HIBADH: variants seen among roughly 807,000 people sequenced by gnomAD.
HIBADH encodes 3-hydroxyisobutyrate dehydrogenase, mitochondrial.
A neutral mutation model predicts 36.1 loss-of-function variants in HIBADH; 25 were observed. The ratio of observed to expected loss-of-function variants is 0.69; its 90% CI spans 0.50 to 0.97. HIBADH has a LOEUF of 0.97. Among genes scored for constraint, HIBADH ranks in the 50% least tolerant of loss-of-function variants. The probability of loss-of-function intolerance (pLI) is 0.00; values close to 1 mark genes in which losing one functional copy is unlikely to be tolerated. For synonymous variants in HIBADH, 160 were observed against 149.5 expected (o/e 1.07, Z -0.51); for missense variants, 421 against 418.0 (o/e 1.01, Z -0.06).
chr7:27,653,829 G>A (rs558915566), intron 1 of HIBADH, among the ~76,000 whole-genome samples: 2 of 152,044 alleles, frequency 1.3e-5, no homozygotes, highest in South Asian at 2.1e-4. Context: ...AAAGTTAAGA[G>A]GTGAAATTTG....
chr7:27,613,015 AATAT>A (rs933682816), intron 4 of HIBADH, among the ~76,000 whole-genome samples: 4 of 135,666 alleles, frequency 2.9e-5, no homozygotes, highest in South Asian at 2.1e-4. Context: ...TATATCCAAA[AATAT>A]ATATATTATA....
At chr7:27,601,499 A>G (rs1030760457) in intron 4 of HIBADH, among the ~76,000 whole-genome samples, 3 of 152,114 alleles carry the variant, frequency 2.0e-5, no homozygotes, top group Non-Finnish European at 4.4e-5. Context: ...AAAGCTTATC[A>G]GTGATTAATG....
rs1308312406 is a variant in HIBADH at position 27,595,790 on chromosome 7, TA to T, written c.484+33580del. Reference sequence around the variant, plus strand: ...ACTCAAGAAATAGCTGCTGAATGAATAAATCTAATAAAATTACGCATAAAGG... The same window carrying T: ...ACTCAAGAAATAGCTGCTGAATGAATAATCTAATAAAATTACGCATAAAGG... On this transcript the variant is annotated intron_variant, in intron 4 of 7. Coordinates refer to ENST00000265395, the MANE Select transcript of HIBADH (RefSeq NM_152740.4). Among the ~76,000 whole-genome samples, 3 of 152,254 alleles carry T rather than the reference TA, an allele frequency of 2.0e-5. No individual in the cohort carries two copies. In the East Asian group the frequency reaches 5.8e-4, roughly 29 times the overall value.
chr7:27,531,379 G>C (rs1385541934), intron 6 of HIBADH, 31 bp from the exon 7 acceptor site: 1 of 1,583,342 alleles, frequency 6.3e-7, no homozygotes. Context: ...GAAGTGTTAA[G>C]TGTCAAAATG....
intron 1 of HIBADH, among the ~76,000 whole-genome samples, chr7:27,657,372 AAAGG>A (rs1460681823): frequency 1.3e-5 from 2 of 152,270 alleles, no homozygotes; most frequent in African/African-American, 4.8e-5. Context: ...ACTTGGAGGA[AAAGG>A]GAGGGAGTCA....
intron 4 of HIBADH, among the ~76,000 whole-genome samples, chr7:27,549,409 T>C (rs555141201): frequency 8.5e-5 from 13 of 152,078 alleles, no homozygotes; most frequent in African/African-American, 2.7e-4. Flanking sequence ...AAAAATGAAA[T>C]CGAATTTTCA....
intron 2 of HIBADH, among the ~76,000 whole-genome samples, chr7:27,633,588 G>A (rs1419184622): frequency 1.3e-5 from 2 of 152,198 alleles, no homozygotes; most frequent in Non-Finnish European, 2.9e-5. Context: ...AAGTCCAGGC[G>A]TTGGAGGTTA....
At chr7:27,656,792 C>T (rs759268) in intron 1 of HIBADH, among the ~76,000 whole-genome samples, 31,219 of 152,006 alleles carry the variant, frequency 0.21, 4,096 homozygotes, top group East Asian at 0.5. Context: ...TTAATATATG[C>T]TATGTGAATG....
chr7:27,554,152 A>G (rs985658275), intron 4 of HIBADH, among the ~76,000 whole-genome samples: 2 of 152,084 alleles, frequency 1.3e-5, no homozygotes, highest in Admixed American at 1.3e-4. Context: ...CAGCTGGCTA[A>G]TTTTTGTATT....
chr7:27,549,754 A>T (rs1190331792), intron 4 of HIBADH, among the ~76,000 whole-genome samples: 3 of 152,182 alleles, frequency 2.0e-5, no homozygotes, highest in Admixed American at 6.5e-5. Flanking sequence ...TAAAACTTAC[A>T]TCACCTCATT....
intron 6 of HIBADH, among the ~76,000 whole-genome samples, chr7:27,535,523 A>AT (rs942254579): frequency 4.0e-5 from 6 of 151,812 alleles, no homozygotes; most frequent in African/African-American, 7.3e-5. Context: ...ACCACCAAAA[A>AT]TTTTTTTTTA....
intron 4 of HIBADH, among the ~76,000 whole-genome samples, chr7:27,615,100 T>G (rs920230849): frequency 6.6e-6 from 1 of 152,214 alleles, no homozygotes; most frequent in African/African-American, 2.4e-5. Flanking sequence ...CTGTTTTTAC[T>G]ACATGCCAGT....
intron 4 of HIBADH, among the ~76,000 whole-genome samples, chr7:27,589,654 T>C (rs1299522892): frequency 1.3e-5 from 2 of 152,218 alleles, no homozygotes; most frequent in Non-Finnish European, 2.9e-5. Context: ...TTCAAATGTA[T>C]GGTAGAAACT....
At chr7:27,562,751 C>G (rs1209129847) in intron 4 of HIBADH, among the ~76,000 whole-genome samples, 1 of 152,190 alleles carries the variant, frequency 6.6e-6, no homozygotes, top group Non-Finnish European at 1.5e-5. Flanking sequence ...AGCCACCACA[C>G]TCAGCCTTTG....
chr7:27,649,556 T>C lies in HIBADH; in HGVS notation c.169A>G (p.Asn57Asp). The C allele has an allele frequency of 6.2e-7, 1 of 1,614,004 alleles. No homozygotes were observed. The highest frequency in any genetic ancestry group is 8.5e-7 in the Non-Finnish European group (1 of 1,179,930). The change falls in exon 2 of 8, where the codon AAT (asparagine) becomes GAT (aspartate). Residue 57 changes from asparagine to aspartate, a missense_variant. Asn to Asp is a conservative substitution (Grantham distance 23). Coordinates refer to ENST00000265395, the MANE Select transcript of HIBADH (RefSeq NM_152740.4). Reference sequence around the variant, plus strand: ...AGTGGATAGCCATGTTTCATGAGATTTTTTGCCATTGGATTCCCCATGTTG... The same window carrying C: ...AGTGGATAGCCATGTTTCATGAGATCTTTTGCCATTGGATTCCCCATGTTG... ...LGNMGNPMAK[N>D]LMKHGYPLII... is the part of the protein sequence containing the mutation.
intron 4 of HIBADH, among the ~76,000 whole-genome samples, chr7:27,549,183 T>C (rs1784279395): frequency 6.6e-6 from 1 of 152,016 alleles, no homozygotes; most frequent in Admixed American, 6.6e-5. Context: ...TAAGGAGAAA[T>C]AAGTTCAAGA....
intron 4 of HIBADH, among the ~76,000 whole-genome samples, chr7:27,613,187 A>G (rs1353724979): frequency 4.3e-4 from 13 of 30,404 alleles, no homozygotes; most frequent in African/African-American, 6.1e-4. Context: ...ATATTTATAT[A>G]AATATATATA....
At chr7:27,576,632 C>CT (rs1185980713) in intron 4 of HIBADH, among the ~76,000 whole-genome samples, 31 of 152,270 alleles carry the variant, frequency 2.0e-4, no homozygotes, top group Non-Finnish European at 2.6e-4. Flanking sequence ...AAGGCAATTA[C>CT]TTTGAAGATG....
intron 1 of HIBADH, among the ~76,000 whole-genome samples, chr7:27,659,653 T>C (rs1420964169): frequency 6.6e-6 from 1 of 151,900 alleles, no homozygotes; most frequent in Non-Finnish European, 1.5e-5. Flanking sequence ...GCCCACGAGG[T>C]TGAGGCTGCA....
Sources: allele counts gnomAD v4.1 joint callset (sites outside exome capture counted in the v4.1 genomes callset), GRCh38; gene constraint gnomAD v4.1.1; transcripts MANE v1.5; gene names NCBI Gene and HGNC (gene_info 2026-07-23, HGNC 2026-07-21).